EEFSEC: variants seen among roughly 807,000 people sequenced by gnomAD.
The protein encoded by EEFSEC is eukaryotic elongation factor, selenocysteine-tRNA specific.
Under a neutral mutation model 42.1 loss-of-function variants are expected in EEFSEC, and 43 were observed. The ratio of observed to expected loss-of-function variants is 1.02; its 90% CI spans 0.80 to 1.32. EEFSEC has a LOEUF of 1.32. Ranked by LOEUF, EEFSEC falls within the 40% of genes most tolerant of loss-of-function variation. The probability of loss-of-function intolerance (pLI) is 0.00; values close to 1 mark genes in which losing one functional copy is unlikely to be tolerated. For missense variants in EEFSEC, 745 were observed against 803.6 expected, an observed-to-expected ratio of 0.93 and a Z score of 0.88; for synonymous variants, 354 against 339.1, an observed-to-expected ratio of 1.04 and a Z score of -0.48.
chr3:128,188,880 C>T (rs964052626), intron 1 of EEFSEC, among the ~76,000 whole-genome samples: 15 of 152,210 alleles, frequency 9.9e-5, no homozygotes, highest in Non-Finnish European at 2.2e-4. Context: ...CAGCCCCGCT[C>T]ACCTGGGAGT....
intron 4 of EEFSEC, among the ~76,000 whole-genome samples, chr3:128,308,592 G>A (rs2066857042): frequency 6.6e-6 from 1 of 152,218 alleles, no homozygotes; most frequent in Admixed American, 6.5e-5. Flanking sequence ...CATGCCAATA[G>A]CTTTTAAACA....
intron 2 of EEFSEC, among the ~76,000 whole-genome samples, chr3:128,248,198 G>A (rs16843207): frequency 2.0e-5 from 3 of 152,128 alleles, no homozygotes; most frequent in Non-Finnish European, 2.9e-5. Context: ...ACTAAATAGC[G>A]GTCACTGGGA....
chr3:128,380,640 T>G (rs1308139971), intron 6 of EEFSEC, among the ~76,000 whole-genome samples: 1 of 152,252 alleles, frequency 6.6e-6, no homozygotes, highest in Non-Finnish European at 1.5e-5. Context: ...CAGGTGTTAT[T>G]AGAACACTGA....
intron 4 of EEFSEC, among the ~76,000 whole-genome samples, chr3:128,298,184 G>T (rs2066729609): frequency 6.6e-6 from 1 of 152,124 alleles, no homozygotes; most frequent in African/African-American, 2.4e-5. Flanking sequence ...GCTTTTCTGA[G>T]ACAGGGTCTC....
intron 5 of EEFSEC, among the ~76,000 whole-genome samples, chr3:128,352,427 A>G (rs2067399102): frequency 6.6e-6 from 1 of 152,166 alleles, no homozygotes; most frequent in Admixed American, 6.5e-5. Context: ...GCCTTCCAGG[A>G]CTGCCTTCCT....
intron 1 of EEFSEC, among the ~76,000 whole-genome samples, chr3:128,161,882 G>A (rs910979178): frequency 1.4e-4 from 21 of 152,194 alleles, no homozygotes; most frequent in Non-Finnish European, 2.4e-4. Context: ...ACATATCCCC[G>A]GAAAGCAGCC....
At chr3:128,297,294 T>A (rs1173233070) in intron 4 of EEFSEC, among the ~76,000 whole-genome samples, 1 of 152,160 alleles carries the variant, frequency 6.6e-6, no homozygotes, top group African/African-American at 2.4e-5. Flanking sequence ...ATGCTTACCC[T>A]TCTCTTGATT....
At chr3:128,383,405 G>A (rs1480795507) in intron 6 of EEFSEC, among the ~76,000 whole-genome samples, 1 of 152,248 alleles carries the variant, frequency 6.6e-6, no homozygotes, top group Non-Finnish European at 1.5e-5. Flanking sequence ...ACCTTGCTTT[G>A]TGCCAGCCGC....
Position 128,322,798 on chromosome 3 carries a change from G to A in EEFSEC, c.787-18435G>A, listed in dbSNP as rs184783930. 2.6e-3 allele frequency among the ~76,000 whole-genome samples: 391 copies of A among 152,276 alleles called. 10 individuals are homozygous for A. The highest frequency in any genetic ancestry group is 0.02 in the Admixed American group (311 of 15,308). The stretch of plus-strand genomic sequence containing the variant: ...GTGGGAGAGCTGGGGTCTGCAGCCC[G>A]AAGCACAGGGGTGGTTTGGACCTTG... On this transcript the variant is annotated intron_variant, in intron 4 of 6. Transcript: ENST00000254730.
intron 4 of EEFSEC, among the ~76,000 whole-genome samples, chr3:128,335,779 A>G (rs1448520840): frequency 6.6e-6 from 1 of 152,174 alleles, no homozygotes; most frequent in Admixed American, 6.5e-5. Flanking sequence ...GGCTGGGACC[A>G]GGGCAGGCAG....
intron 6 of EEFSEC, among the ~76,000 whole-genome samples, chr3:128,403,633 C>T (rs1029744465): frequency 1.3e-5 from 2 of 152,232 alleles, no homozygotes; most frequent in Non-Finnish European, 2.9e-5. Flanking sequence ...CACCCTGGAG[C>T]CAGGCCCTCG....
intron 6 of EEFSEC, chr3:128,367,946 C>A: frequency 1.4e-6 from 1 of 727,988 alleles, no homozygotes; most frequent in Non-Finnish European, 1.7e-6. Flanking sequence ...TTCCTCCCAC[C>A]ACCCACTGGG....
chr3:128,173,439 A>G (rs556705246), intron 1 of EEFSEC, among the ~76,000 whole-genome samples: 1 of 152,332 alleles, frequency 6.6e-6, no homozygotes, highest in South Asian at 2.1e-4. Flanking sequence ...TAATGGAGCA[A>G]AATTGAGTGA....
At chr3:128,329,144 G>T (rs1249561047) in intron 4 of EEFSEC, among the ~76,000 whole-genome samples, 2 of 152,174 alleles carry the variant, frequency 1.3e-5, no homozygotes, top group South Asian at 4.1e-4. Context: ...CAGCACCCAC[G>T]GAGGGAGAGC....
chr3:128,223,497 A>G (rs113914463), intron 1 of EEFSEC, among the ~76,000 whole-genome samples: 5 of 152,200 alleles, frequency 3.3e-5, no homozygotes, highest in East Asian at 3.8e-4. Flanking sequence ...CCCTTAAGCT[A>G]TGGAGTCTGA....
chr3:128,159,138 T>C (rs1944433065), intron 1 of EEFSEC, among the ~76,000 whole-genome samples: 1 of 152,238 alleles, frequency 6.6e-6, no homozygotes, highest in Non-Finnish European at 1.5e-5. Flanking sequence ...GTGTTCCCCA[T>C]TGAGTGCCTG....
intron 6 of EEFSEC, among the ~76,000 whole-genome samples, chr3:128,402,261 A>C (rs2068056825): frequency 6.6e-6 from 1 of 152,232 alleles, no homozygotes. Context: ...CCTTCATCCC[A>C]GGGCTGCAGC....
chr3:128,154,268 C>T (rs1368176541), intron 1 of EEFSEC, among the ~76,000 whole-genome samples: 1 of 152,010 alleles, frequency 6.6e-6, no homozygotes, highest in East Asian at 1.9e-4. Context: ...CAGAAAGGCT[C>T]CACGTCAATA....
At chr3:128,385,147 A>T (rs2067823650) in intron 6 of EEFSEC, among the ~76,000 whole-genome samples, 1 of 152,178 alleles carries the variant, frequency 6.6e-6, no homozygotes, top group African/African-American at 2.4e-5. Context: ...TCCCCAGGCC[A>T]CCCCAAGGTG....
Sources: gnomAD v4.1 joint callset for allele counts (sites outside exome capture counted in the v4.1 genomes callset) on GRCh38, gnomAD v4.1.1 for gene constraint, MANE v1.5 for transcripts, NCBI Gene and HGNC (gene_info 2026-07-23, HGNC 2026-07-21) for gene names.